CYP4B1: variants seen among roughly 807,000 people sequenced by gnomAD.
The protein encoded by CYP4B1 is cytochrome P450 4B1.
Under a neutral mutation model 54.0 loss-of-function variants are expected in CYP4B1, and 45 were observed. The observed-to-expected ratio is 0.83, with a 90% CI of 0.66 to 1.07. The LOEUF (loss-of-function observed/expected upper bound fraction) is 1.07, where lower values mean the gene tolerates loss of function less well. Ranked by LOEUF, CYP4B1 falls within the 50% of genes least tolerant of loss-of-function variation. CYP4B1 has a pLI of 0.00. For missense variants in CYP4B1, 656 were observed against 655.4 expected, an observed-to-expected ratio of 1.00 and a Z score of -0.01; for synonymous variants, 248 against 247.5, an observed-to-expected ratio of 1.00 and a Z score of -0.02.
chr1:46,818,244 A>G, intron 11 of CYP4B1, 31 bp downstream of exon 11: 1 of 1,566,722 alleles, frequency 6.4e-7, no homozygotes. Flanking sequence ...CCAGGCCCTC[A>G]GGACTGGGGA....
At chr1:46,800,930 G>A (rs573869587) in intron 1 of CYP4B1, among the ~76,000 whole-genome samples, 1 of 152,226 alleles carries the variant, frequency 6.6e-6, no homozygotes, top group African/African-American at 2.4e-5. Context: ...GCTGGGCGAG[G>A]TTCCTCCCCA....
At chr1:46,805,182 TC>T (rs1165131585) in intron 1 of CYP4B1, among the ~76,000 whole-genome samples, 1 of 152,226 alleles carries the variant, frequency 6.6e-6, no homozygotes, top group Non-Finnish European at 1.5e-5. Flanking sequence ...CCCCTTGGAC[TC>T]TTGGGCATTT....
intron 3 of CYP4B1, chr1:46,812,174 C>CA: frequency 2.0e-6 from 1 of 497,096 alleles, no homozygotes; most frequent in South Asian, 1.5e-5. Flanking sequence ...TGGCTGTCCC[C>CA]AGGGGGATGC....
chr1:46,819,097 G>T lies in CYP4B1; in HGVS notation c.*283G>T. On this transcript the variant is annotated 3_prime_UTR_variant, in exon 12 of 12. Transcript: ENST00000371923. The stretch of plus-strand genomic sequence containing the variant: ...GAAACTTCATTTATCTCCTATAATT[G>T]GCAAACTTAAAAATGCAGCAGAAAC... The T allele has an allele frequency of 3.2e-6, 1 of 309,602 alleles. No homozygotes were observed. Among genetic ancestry groups the T allele is most frequent in the Non-Finnish European group, 5.9e-6 (1 of 168,478 alleles). 19.2% of individuals were successfully genotyped at this position (309,602 alleles called of 1,614,324 possible).
chr1:46,805,483 G>A (rs1678822606), intron 1 of CYP4B1, among the ~76,000 whole-genome samples: 1 of 152,190 alleles, frequency 6.6e-6, no homozygotes, highest in Admixed American at 6.5e-5. Context: ...TTGAGCTAGG[G>A]GTTCTTTCTG....
At chr1:46,815,486 T>C (rs1029869065) in intron 8 of CYP4B1, 1 of 411,388 alleles carries the variant, frequency 2.4e-6, no homozygotes. Flanking sequence ...AGAAGTGTTA[T>C]GTAGAGAAAG....
chr1:46,813,928 C>T lies in CYP4B1; in HGVS notation c.640C>T (p.Leu214Phe). The T allele has an allele frequency of 2.5e-6, 4 of 1,614,168 alleles. No individual in the cohort carries two copies. The highest frequency in any genetic ancestry group is 3.4e-6 in the Non-Finnish European group (4 of 1,180,008). The change falls in exon 6 of 12, where the codon CTT (leucine) becomes TTT (phenylalanine). Residue 214 changes from leucine to phenylalanine, a missense_variant. Leu to Phe is a conservative substitution (Grantham distance 22). Coordinates refer to ENST00000371923, the MANE Select transcript of CYP4B1 (RefSeq NM_001099772.2). Reference sequence around the variant, plus strand: ...GCTTAGCAGGGACAGCAGCTACTACCTTGCAGTCAGCGATCTCACTCTGTT... The same window carrying T: ...GCTTAGCAGGGACAGCAGCTACTACTTTGCAGTCAGCGATCTCACTCTGTT... ...LGHSRDSSYYLAVSDLTLLMQ... is the reference protein window; with the variant it reads ...LGHSRDSSYYFAVSDLTLLMQ...
rs45546341 is a variant in CYP4B1 at position 46,814,742 on chromosome 1, A to G, written c.883-332A>G. On this transcript the variant is annotated intron_variant, in intron 7 of 11. Coordinates refer to ENST00000371923, the MANE Select transcript of CYP4B1 (RefSeq NM_001099772.2). Reference sequence around the variant, plus strand: ...ACCTGGCCCTTCCTTCCAGATGCTTACAGTCCAGCAGGGGAGACAGTAGGT... The same window carrying G: ...ACCTGGCCCTTCCTTCCAGATGCTTGCAGTCCAGCAGGGGAGACAGTAGGT... The G allele has an allele frequency of 6.1e-3, 2,287 of 375,178 alleles. 37 individuals are homozygous for G. The highest frequency in any genetic ancestry group is 0.04 in the African/African-American group (1,927 of 48,018). 23.2% of individuals were successfully genotyped at this position (375,178 alleles called of 1,614,324 possible).
At chr1:46,811,354 C>T (rs1351050811) in intron 3 of CYP4B1, among the ~76,000 whole-genome samples, 170 bp downstream of exon 3, 3 of 152,198 alleles carry the variant, frequency 2.0e-5, no homozygotes, top group African/African-American at 7.2e-5. Context: ...AGGAGAGCCC[C>T]CAGCTGTGGG....
rs1679287918 is a variant in CYP4B1 at position 46,815,200 on chromosome 1, G to A, written c.1009G>A (p.Glu337Lys). ...WFLYCMALYP[E>K]HQHRCREEVR... Reference sequence around the variant, plus strand: ...TCTCTACTGCATGGCCCTGTACCCTGAGCACCAGCATCGTTGTAGAGAGGA... The same window carrying A: ...TCTCTACTGCATGGCCCTGTACCCTAAGCACCAGCATCGTTGTAGAGAGGA... The change falls in exon 8 of 12, where the codon GAG becomes AAG. Residue 337 changes from glutamate to lysine, a missense_variant. Physicochemically the swap from Glu to Lys is moderately conservative, Grantham distance 56. Coordinates refer to ENST00000371923, the MANE Select transcript of CYP4B1 (RefSeq NM_001099772.2). 1 of 1,607,990 alleles carries A rather than the reference G, an allele frequency of 6.2e-7. No homozygotes were observed. The highest frequency in any genetic ancestry group is 8.5e-7 in the Non-Finnish European group (1 of 1,176,994).
chr1:46,802,655 C>A (rs1381977174), intron 1 of CYP4B1, among the ~76,000 whole-genome samples: 2 of 152,216 alleles, frequency 1.3e-5, no homozygotes, highest in Non-Finnish European at 2.9e-5. Context: ...AAGCAACCAG[C>A]AGTGTCTGAT....
At chr1:46,801,827 C>G (rs374399689) in intron 1 of CYP4B1, among the ~76,000 whole-genome samples, 1 of 152,134 alleles carries the variant, frequency 6.6e-6, no homozygotes, top group African/African-American at 2.4e-5. Context: ...CATTTTAATT[C>G]GTAATGTTGT....
rs1373502865 is a variant in CYP4B1 at position 46,818,858 on chromosome 1, C to T, written c.*44C>T. On this transcript the variant is annotated 3_prime_UTR_variant, in exon 12 of 12. Transcript: ENST00000371923. ...CCCAGATGGCTCAGGCTGTGACCTC[C>T]CTGGGCACCACCCTCCCCAGGCTGG... 1.3e-6 allele frequency: 2 copies of T among 1,593,250 alleles called. No individual in the cohort carries two copies. Among genetic ancestry groups the T allele is most frequent in the Admixed American group, 3.4e-5 (2 of 59,556 alleles).
Position 46,817,100 on chromosome 1 carries a change from C to G in CYP4B1, c.1126C>G (p.Arg376Gly). 1 of 1,614,016 alleles carries G rather than the reference C, an allele frequency of 6.2e-7. No individual in the cohort carries two copies. Among genetic ancestry groups the G allele is most frequent in the East Asian group, 2.2e-5 (1 of 44,856 alleles). ...YLTMCIKESF[R>G]LYPPVPQVYR... Reference sequence around the variant, plus strand: ...GACCATGTGCATCAAGGAGAGCTTCCGCCTCTACCCACCTGTGCCCCAGGT... The same window carrying G: ...GACCATGTGCATCAAGGAGAGCTTCGGCCTCTACCCACCTGTGCCCCAGGT... The change falls in exon 9 of 12, where the codon CGC (arginine) becomes GGC (glycine). Residue 376 changes from arginine (R) to glycine (G), a missense_variant. By Grantham distance (125) the Arg-to-Gly change is moderately radical. Coordinates refer to ENST00000371923, the MANE Select transcript of CYP4B1 (RefSeq NM_001099772.2).
chr1:46,812,189 C>A (rs1387811251), intron 3 of CYP4B1: 2 of 525,756 alleles, frequency 3.8e-6, no homozygotes, highest in Admixed American at 4.5e-5. Flanking sequence ...GGATGCGTGT[C>A]CTTTGTCTCA....
intron 1 of CYP4B1, among the ~76,000 whole-genome samples, chr1:46,808,854 T>C (rs978558817): frequency 1.4e-5 from 2 of 147,402 alleles, no homozygotes; most frequent in Non-Finnish European, 3.0e-5. Context: ...TCATTCTCAG[T>C]AAACTATCGC....
chr1:46,801,780 C>T (rs1678671714), intron 1 of CYP4B1, among the ~76,000 whole-genome samples: 2 of 152,118 alleles, frequency 1.3e-5, no homozygotes, highest in Non-Finnish European at 2.9e-5. Context: ...TGTTTAGTAG[C>T]TCAGGAGTTA....
At chr1:46,804,482 A>T (rs548017997) in intron 1 of CYP4B1, among the ~76,000 whole-genome samples, 7 of 146,776 alleles carry the variant, frequency 4.8e-5, no homozygotes, top group African/African-American at 1.8e-4. Flanking sequence ...TTGAATGAGG[A>T]TGGGAAGGAG....
chr1:46,811,236 G>T, intron 3 of CYP4B1, 52 bp downstream of exon 3: 1 of 1,580,300 alleles, frequency 6.3e-7, no homozygotes, highest in Non-Finnish European at 8.7e-7. Context: ...CCGTGGTGCT[G>T]GGTGACTAGG....
Sources: allele counts gnomAD v4.1 joint callset (sites outside exome capture counted in the v4.1 genomes callset), GRCh38; gene constraint gnomAD v4.1.1; transcripts MANE v1.5; gene names NCBI Gene and HGNC (gene_info 2026-07-23, HGNC 2026-07-21).